SEZ6: variants seen among roughly 807,000 people sequenced by gnomAD.
The protein encoded by SEZ6 is seizure related 6 homolog.
SEZ6 carries 53 observed loss-of-function variants against 101.0 expected under a neutral mutation model. The observed-to-expected ratio is 0.52, with a 90% CI of 0.42 to 0.66. The LOEUF (loss-of-function observed/expected upper bound fraction) is 0.66. SEZ6 is among the 30% of genes least tolerant of loss of function. The probability of loss-of-function intolerance (pLI) is 0.00; values close to 1 mark genes in which losing one functional copy is unlikely to be tolerated. For synonymous variants in SEZ6, 488 were observed against 512.2 expected (o/e 0.95, Z 0.64); for missense variants, 1,102 against 1,289.4 (o/e 0.85, Z 2.23).
At position 28,960,844 on chromosome 17, in the gene SEZ6, A is replaced by G; in HGVS notation, c.1370T>C (p.Leu457Pro). 6.2e-7 allele frequency: 1 copy of G among 1,613,952 alleles called. No homozygotes were observed. The highest frequency in any genetic ancestry group is 8.5e-7 in the Non-Finnish European group (1 of 1,179,860). ...TGCCAGGGAAACCTTCTCAAAGTGCAGGTGTAGCCGCTGGCCCTCAGGAGC... is the reference window on the plus strand; with the variant it reads ...TGCCAGGGAAACCTTCTCAAAGTGCGGGTGTAGCCGCTGGCCCTCAGGAGC... The part of the protein sequence containing the change: ...LEAPEGQRLH[L>P]HFEKVSLAED... Residue 457 changes from leucine (L) to proline (P), a missense_variant, in exon 6 of 17, where the codon CTG becomes CCG. Physicochemically the swap from Leu to Pro is moderately conservative, Grantham distance 98. Transcript: ENST00000317338.
intron 1 of SEZ6, among the ~76,000 whole-genome samples, chr17:28,995,737 G>GT (rs1371290018): frequency 6.6e-6 from 1 of 152,228 alleles, no homozygotes; most frequent in Non-Finnish European, 1.5e-5. Context: ...GCTGGTGCCA[G>GT]TTTCCAGAGC....
intron 11 of SEZ6, 57 bp downstream of exon 11, chr17:28,957,890 G>T: frequency 6.4e-7 from 1 of 1,565,428 alleles, no homozygotes; most frequent in Middle Eastern, 1.7e-4. Flanking sequence ...TCAGAATCCA[G>T]GAGAGAGGTT....
chr17:28,995,807 G>T (rs2041529401), intron 1 of SEZ6, among the ~76,000 whole-genome samples: 1 of 152,142 alleles, frequency 6.6e-6, no homozygotes, highest in Non-Finnish European at 1.5e-5. Flanking sequence ...AAGGCAATGA[G>T]CTCTAATGGT....
chr17:28,979,534 T>G lies in SEZ6; in HGVS notation c.858+146A>C, dbSNP rs1314563421. On this transcript the variant is annotated intron_variant, in intron 3 of 16. Transcript: ENST00000317338. ...ACACACGGGGCAGAATCTAACCATT[T>G]AGGCCCATCTCCCAGCCCTGGCCTT... The G allele has an allele frequency of 8.3e-6, 10 of 1,208,500 alleles. No individual in the cohort carries two copies. In the East Asian group the frequency reaches 2.6e-4, roughly 31 times the overall value. The allele number at this position is 1,208,500 out of a possible 1,614,324, so 74.9% of individuals were successfully genotyped here.
At chr17:28,968,105 G>C (rs1443631960) in intron 4 of SEZ6, among the ~76,000 whole-genome samples, 1 of 152,130 alleles carries the variant, frequency 6.6e-6, no homozygotes, top group Non-Finnish European at 1.5e-5. Flanking sequence ...TGGACAGCTC[G>C]AGCACAGGTG....
intron 1 of SEZ6, among the ~76,000 whole-genome samples, chr17:28,992,941 G>A (rs900183364): frequency 3.3e-5 from 5 of 152,118 alleles, no homozygotes. Flanking sequence ...CCCTTCTCCT[G>A]TTTGCCTGCT....
At chr17:28,968,946 C>T (rs2152686087) in intron 4 of SEZ6, among the ~76,000 whole-genome samples, 1 of 152,322 alleles carries the variant, frequency 6.6e-6, no homozygotes, top group Admixed American at 6.5e-5. Flanking sequence ...CCTTTTCCTC[C>T]CTCTCCCATC....
chr17:28,956,527 C>G, intron 14 of SEZ6, 60 bp from the exon 15 acceptor site: 4 of 1,520,060 alleles, frequency 2.6e-6, no homozygotes, highest in African/African-American at 1.4e-5. Context: ...CCCATATTCT[C>G]TCACCTCTGC....
At position 28,957,049 on chromosome 17, in the gene SEZ6, C is replaced by T. The variant is rs779947386; in HGVS notation, c.2688G>A (p.Arg896=). Residue 896 remains arginine, a synonymous_variant, in exon 13 of 17, where the codon AGG becomes AGA. Transcript: ENST00000317338. ...GAGGGGTGACAGGGCACTCACCAGC[C>T]CTACAGATGGGTGGGGGGTCACTCC... The part of the protein sequence containing the change: ...SHWSDPPPIC[R]AASLDGFYNS... 66 of 1,588,604 alleles carry T rather than the reference C, an allele frequency of 4.2e-5. No homozygotes were observed. Among genetic ancestry groups the T allele is most frequent in the Non-Finnish European group, 5.2e-5 (60 of 1,164,388 alleles).
Position 28,959,734 on chromosome 17 carries a change from C to T in SEZ6, c.1735G>A (p.Asp579Asn), listed in dbSNP as rs2040946039. 4 of 1,607,550 alleles carry T rather than the reference C, an allele frequency of 2.5e-6. No homozygotes were observed. The highest frequency in any genetic ancestry group is 2.6e-6 in the Non-Finnish European group (3 of 1,176,208). The change falls in exon 8 of 17, where the codon GAC becomes AAC. Residue 579 changes from aspartate to asparagine, a missense_variant. Asp to Asn is a conservative substitution (Grantham distance 23, BLOSUM62 1). This residue lies in a region of SEZ6 where 556 missense variants were observed against 735.1 expected (regional missense o/e 0.76). Transcript: ENST00000317338. The surrounding 1 kb of genome is among the most constrained non-coding windows in gnomAD (Gnocchi z 4.4). ...GGCTCTGTCTCATTCCACTGGGGGT[C>T]GTGGGGGTCAACACACTCGATGATG... ...SIIIECVDPHDPQWNETEPAC... is the reference protein window; with the variant it reads ...SIIIECVDPHNPQWNETEPAC...
chr17:28,972,283 C>T (rs1311170655), intron 3 of SEZ6, among the ~76,000 whole-genome samples: 7 of 152,312 alleles, frequency 4.6e-5, no homozygotes, highest in Non-Finnish European at 7.3e-5. Flanking sequence ...TCAACAAAGA[C>T]GTGTGGAAAG....
intron 10 of SEZ6, 101 bp from the exon 11 acceptor site, chr17:28,958,242 C>G: frequency 7.1e-7 from 1 of 1,400,592 alleles, no homozygotes; most frequent in East Asian, 2.3e-5. Context: ...TTGTCCTGGA[C>G]CTAGACTGTC....
intron 3 of SEZ6, among the ~76,000 whole-genome samples, chr17:28,977,215 G>C (rs558094425): frequency 5.3e-5 from 8 of 152,234 alleles, no homozygotes; most frequent in African/African-American, 1.9e-4. Flanking sequence ...TGGCCTGGGT[G>C]GGGGTGGAGG....
chr17:28,979,429 G>C (rs1375572596), intron 3 of SEZ6, among the ~76,000 whole-genome samples: 1 of 152,160 alleles, frequency 6.6e-6, no homozygotes. Context: ...TCAGATGTAG[G>C]GTTTATACTC....
intron 1 of SEZ6, among the ~76,000 whole-genome samples, chr17:28,991,590 A>T (rs2041459323): frequency 6.6e-6 from 1 of 152,156 alleles, no homozygotes; most frequent in Non-Finnish European, 1.5e-5. Flanking sequence ...GCCTTACAGT[A>T]GTCACACCTC....
chr17:28,959,349 A>G lies in SEZ6; in HGVS notation c.1895T>C (p.Met632Thr). 6.2e-7 allele frequency: 1 copy of G among 1,613,856 alleles called. No homozygotes were observed. Among genetic ancestry groups the G allele is most frequent in the African/African-American group, 1.3e-5 (1 of 74,984 alleles). The change falls in exon 9 of 17, where the codon ATG becomes ACG. Residue 632 changes from methionine (M) to threonine (T), a missense_variant. By Grantham distance (81) the Met-to-Thr change is moderately conservative. Transcript: ENST00000317338. The surrounding 1 kb of genome is among the most constrained non-coding windows in gnomAD (Gnocchi z 4.4). ...GVHVEEDKRI[M>T]LDIRVLRIGP... ...AGGCACTCACACTCGGATGTCCAGCATGATGCGCTTGTCCTCTTCCACATG... is the reference window on the plus strand; with the variant it reads ...AGGCACTCACACTCGGATGTCCAGCGTGATGCGCTTGTCCTCTTCCACATG...
intron 1 of SEZ6, among the ~76,000 whole-genome samples, chr17:29,001,549 G>A (rs575275093): frequency 1.3e-5 from 2 of 152,204 alleles, no homozygotes; most frequent in African/African-American, 4.8e-5. Flanking sequence ...AATACTTGAA[G>A]CGTGAGGTAG....
intron 4 of SEZ6, 94 bp from the exon 5 acceptor site, chr17:28,964,241 G>T: frequency 7.4e-7 from 1 of 1,354,986 alleles, no homozygotes; most frequent in Non-Finnish European, 1.0e-6. Flanking sequence ...AGTCTGCCTG[G>T]AGGTGTCATT....
chr17:28,956,826 G>A lies in SEZ6; in HGVS notation c.2693-69C>T. On this transcript the variant is annotated intron_variant, in intron 13 of 16. Transcript: ENST00000317338. ...GGGCCAAACCACTAAGGCAGGGAGA[G>A]GAGGTAGTGGGATGATCATGGGAAG... is the stretch of plus-strand genomic sequence containing the variant. 7 of 1,509,098 alleles carry A rather than the reference G, an allele frequency of 4.6e-6. No homozygotes were observed. The South Asian group carries it at 7.2e-5, about 16-fold the overall frequency. 93.5% of individuals were successfully genotyped at this position (1,509,098 alleles called of 1,614,324 possible).
Sources: allele counts gnomAD v4.1 joint callset (sites outside exome capture counted in the v4.1 genomes callset), GRCh38; gene constraint gnomAD v4.1.1; regional missense constraint gnomAD v4.1.1; non-coding constraint Gnocchi (gnomAD v3.1); transcripts MANE v1.5; gene names NCBI Gene and HGNC (gene_info 2026-07-23, HGNC 2026-07-21).